Variants in TIAM2 observed in about 807,000 individuals in gnomAD.
The protein encoded by TIAM2 is rho guanine nucleotide exchange factor TIAM2.
A neutral mutation model predicts 152.9 loss-of-function variants in TIAM2; 80 were observed. The ratio of observed to expected loss-of-function variants is 0.52; its 90% CI spans 0.44 to 0.63. The LOEUF (loss-of-function observed/expected upper bound fraction) is 0.63. Ranked by LOEUF, TIAM2 falls within the 30% of genes least tolerant of loss-of-function variation. The pLI is 0.00. For missense variants in TIAM2, 1,965 were observed against 2,120.1 expected, an observed-to-expected ratio of 0.93 and a Z score of 1.44; for synonymous variants, 804 against 838.0, an observed-to-expected ratio of 0.96 and a Z score of 0.70.
rs377169813 is a variant in TIAM2 at position 155,164,532 on chromosome 6, G to A, written c.2146G>A (p.Ala716Thr). The change falls in exon 8 of 27, where the codon GCC becomes ACC. Residue 716 changes from alanine to threonine, a missense_variant. Ala to Thr is a moderately conservative substitution (Grantham distance 58, BLOSUM62 0). Transcript: ENST00000682666. ...GAACCCAAAGAGTCTCCTTGCAGCC[G>A]CCAGCCGCCCCTCCAAGCTGGCCCT... ...LPNPKSLLAA[A>T]SRPSKLALGR... 3.5e-5 allele frequency: 56 copies of A among 1,613,914 alleles called. No individual in the cohort carries two copies. The highest frequency in any genetic ancestry group is 2.7e-4 in the African/African-American group (20 of 74,890).
rs757674083 is a variant in TIAM2, at chr6:155,253,975, A to T, written c.4228A>T (p.Thr1410Ser). The T allele has an allele frequency of 3.3e-5, 53 of 1,611,960 alleles. No homozygotes were observed. The highest frequency in any genetic ancestry group is 4.2e-5 in the Non-Finnish European group (49 of 1,179,386). Residue 1410 changes from threonine to serine, a missense_variant and splice_region_variant, in exon 25 of 27, where the codon ACA becomes TCA. Physicochemically the swap from Thr to Ser is moderately conservative, Grantham distance 58. Transcript: ENST00000682666. Reference protein sequence around the residue: ...LQVRLGNPAGTENNSIWELIH... With the variant: ...LQVRLGNPAGSENNSIWELIH... ...TGTTTCCATTTCCTTTTACATAGGGACAGAAAATAATTCCATATGGGAACT... is the reference window on the plus strand; with the variant it reads ...TGTTTCCATTTCCTTTTACATAGGGTCAGAAAATAATTCCATATGGGAACT...
chr6:155,061,211 A>G (rs553375078), intron 1 of TIAM2, among the ~76,000 whole-genome samples: 17 of 152,290 alleles, frequency 1.1e-4, no homozygotes, highest in South Asian at 4.1e-4. Flanking sequence ...CTGTGTGTCT[A>G]TCTCTCAATC....
intron 14 of TIAM2, among the ~76,000 whole-genome samples, chr6:155,201,087 C>T (rs1032050677): frequency 3.9e-5 from 6 of 152,112 alleles, no homozygotes; most frequent in Non-Finnish European, 8.8e-5. Context: ...ATGTCTGGCT[C>T]CTTTCACTTA....
intron 2 of TIAM2, among the ~76,000 whole-genome samples, chr6:155,125,467 T>C (rs1246378354): frequency 6.6e-6 from 1 of 151,978 alleles, no homozygotes; most frequent in Admixed American, 6.6e-5. Context: ...TGTGGAGGAA[T>C]TGGAACTCTG....
At chr6:155,239,974 C>T (rs1254291068) in intron 15 of TIAM2, among the ~76,000 whole-genome samples, 1 of 152,228 alleles carries the variant, frequency 6.6e-6, no homozygotes, top group African/African-American at 2.4e-5. Flanking sequence ...ACTCATAATT[C>T]TACTTGCCAC....
intron 2 of TIAM2, among the ~76,000 whole-genome samples, chr6:155,114,853 A>G (rs914686833): frequency 6.6e-6 from 1 of 152,010 alleles, no homozygotes; most frequent in Non-Finnish European, 1.5e-5. Flanking sequence ...TTTGAGATGG[A>G]GTCTCGCTTT....
intron 15 of TIAM2, chr6:155,217,209 T>G (rs1781881465): frequency 8.9e-7 from 1 of 1,123,116 alleles, no homozygotes; most frequent in Non-Finnish European, 1.2e-6. Context: ...GTCTAAAGAC[T>G]GATATGCAGA....
intron 19 of TIAM2, 47 bp from the exon 20 acceptor site, chr6:155,247,953 T>C (rs2115337517): frequency 1.3e-6 from 2 of 1,561,924 alleles, no homozygotes; most frequent in Non-Finnish European, 1.7e-6. Flanking sequence ...AAGAATTTAA[T>C]TCACCCCACT....
intron 1 of TIAM2, among the ~76,000 whole-genome samples, chr6:155,022,876 C>T (rs771183823): frequency 1.2e-4 from 18 of 152,300 alleles, no homozygotes; most frequent in East Asian, 7.7e-4. Context: ...TAAAGCATTT[C>T]GAGGGCCTGC....
In TIAM2 at chr6:155,129,248, A is replaced by G. The variant is rs1287107689; in HGVS notation, c.25A>G (p.Thr9Ala). Reference sequence around the variant, plus strand: ...AATGGGCAACTCCGACAGTCAGTACACCCTTCAAGGATCTAAAAATCATAG... The same window carrying G: ...AATGGGCAACTCCGACAGTCAGTACGCCCTTCAAGGATCTAAAAATCATAG... MGNSDSQY[T>A]LQGSKNHSNT... Residue 9 changes from threonine (T) to alanine (A), a missense_variant, in exon 4 of 27, where the codon ACC becomes GCC. Transcript: ENST00000682666. This position sits in a 1 kb window ranked among gnomAD's most constrained non-coding sequence, Gnocchi z 4.8. 1.2e-6 allele frequency: 2 copies of G among 1,613,968 alleles called. No individual in the cohort carries two copies. The highest frequency in any genetic ancestry group is 3.3e-5 in the Admixed American group (2 of 60,020).
At position 155,196,335 on chromosome 6, in the gene TIAM2, A is replaced by C. The variant is rs139944398; in HGVS notation, c.3064+12835A>C. ...TTGGTTTGGGAACTCCTTGTGTTTAACTTCTGTTCATGTTGAATATTTCAC... is the reference window on the plus strand; with the variant it reads ...TTGGTTTGGGAACTCCTTGTGTTTACCTTCTGTTCATGTTGAATATTTCAC... On this transcript the variant is annotated intron_variant, in intron 14 of 26. Transcript: ENST00000682666. 2.0e-5 allele frequency among the ~76,000 whole-genome samples: 3 copies of C among 152,296 alleles called. No homozygotes were observed. In the East Asian group the frequency reaches 5.8e-4, roughly 29 times the overall value.
intron 1 of TIAM2, among the ~76,000 whole-genome samples, chr6:155,015,954 A>C (rs1473112306): frequency 1.3e-5 from 2 of 150,612 alleles, no homozygotes; most frequent in Non-Finnish European, 3.0e-5. Flanking sequence ...CAAAAAAAAA[A>C]AAAAAAAAAA....
intron 1 of TIAM2, chr6:155,004,848 C>A: frequency 6.4e-6 from 1 of 155,080 alleles, no homozygotes; most frequent in Non-Finnish European, 1.4e-5. Flanking sequence ...ATATAGTAGG[C>A]TCCAAAAGAA....
intron 15 of TIAM2, among the ~76,000 whole-genome samples, chr6:155,238,835 A>G (rs1042246898): frequency 3.3e-5 from 5 of 152,118 alleles, no homozygotes; most frequent in East Asian, 1.9e-4. Context: ...AACTGTTTCT[A>G]CTTCTTTGGA....
At chr6:155,146,993 G>A (rs192149633) in intron 6 of TIAM2, among the ~76,000 whole-genome samples, 32 of 152,054 alleles carry the variant, frequency 2.1e-4, no homozygotes, top group Non-Finnish European at 4.4e-5. Flanking sequence ...GGACTCAAAA[G>A]TCCTGGGATT....
chr6:155,224,525 T>C (rs1782172602), intron 15 of TIAM2, among the ~76,000 whole-genome samples: 1 of 152,168 alleles, frequency 6.6e-6, no homozygotes. Flanking sequence ...GTCTTGATAA[T>C]AACATGAAGA....
chr6:155,112,671 C>A (rs1372834900), intron 2 of TIAM2, among the ~76,000 whole-genome samples: 2 of 152,180 alleles, frequency 1.3e-5, no homozygotes, highest in Middle Eastern at 3.2e-3. Context: ...CCAGTGGACA[C>A]CTCAAACCCA....
At chr6:155,029,582 A>ATATAATAGTATATACTATTATATAT in intron 1 of TIAM2, among the ~76,000 whole-genome samples, 1 of 86,556 alleles carries the variant, frequency 1.2e-5, no homozygotes, top group African/African-American at 4.8e-5. Context: ...TAGTATATAT[A>ATATAATAGTATATACTATTATATAT]ACTATATAGT....
At chr6:155,200,485 A>C (rs1415475064) in intron 14 of TIAM2, among the ~76,000 whole-genome samples, 3 of 152,212 alleles carry the variant, frequency 2.0e-5, no homozygotes, top group Non-Finnish European at 4.4e-5. Context: ...CATACTATAC[A>C]ATTTACCTTT....
Sources: allele counts gnomAD v4.1 joint callset (sites outside exome capture counted in the v4.1 genomes callset), GRCh38; gene constraint gnomAD v4.1.1; non-coding constraint Gnocchi (gnomAD v3.1); transcripts MANE v1.5; gene names NCBI Gene and HGNC (gene_info 2026-07-23, HGNC 2026-07-21).